Variants in NT5C1A observed in about 807,000 individuals in gnomAD.
NT5C1A encodes 5'-nucleotidase, cytosolic IA.
A neutral mutation model predicts 31.0 loss-of-function variants in NT5C1A; 18 were observed. That is an observed-to-expected ratio of 0.58 (90% CI 0.40 to 0.86). The LOEUF (loss-of-function observed/expected upper bound fraction) is 0.86, where lower values mean the gene tolerates loss of function less well. Among genes scored for constraint, NT5C1A ranks in the 40% least tolerant of loss-of-function variants. The pLI is 0.00. For synonymous variants in NT5C1A, 185 were observed against 203.6 expected (o/e 0.91, Z 0.78); for missense variants, 470 against 505.4 (o/e 0.93, Z 0.67).
chr1:39,656,009 T>C lies in NT5C1A; in HGVS notation c.*3112A>G, dbSNP rs193270601. 1.3e-5 allele frequency among the ~76,000 whole-genome samples: 2 copies of C among 152,292 alleles called. No individual in the cohort carries two copies. Among genetic ancestry groups the C allele is most frequent in the East Asian group, 3.9e-4 (2 of 5,186 alleles). On this transcript the variant is annotated 3_prime_UTR_variant, in exon 6 of 6. Transcript: ENST00000235628. ...TTCTGATATATCCCCACTACTCTGA[T>C]TGGGCTCTCAGATAGGAGAGGGGGA...
rs1351647757 is a variant in NT5C1A, at chr1:39,658,167, A to G, written c.*954T>C. 6.6e-6 allele frequency among the ~76,000 whole-genome samples: 1 copy of G among 152,166 alleles called. No homozygotes were observed. The highest frequency in any genetic ancestry group is 1.5e-5 in the Non-Finnish European group (1 of 68,016). Reference sequence around the variant, plus strand: ...GGCTCAAAGCAAGAGCAAAGGAAACACTGAGCAGGCAGCTACTAATGCTTC... The same window carrying G: ...GGCTCAAAGCAAGAGCAAAGGAAACGCTGAGCAGGCAGCTACTAATGCTTC... On this transcript the variant is annotated 3_prime_UTR_variant, in exon 6 of 6. Transcript: ENST00000235628.
chr1:39,651,523 C>A lies in NT5C1A; in HGVS notation c.*7598G>T, dbSNP rs1646431980. 6.6e-6 allele frequency among the ~76,000 whole-genome samples: 1 copy of A among 152,162 alleles called. No individual in the cohort carries two copies. The highest frequency in any genetic ancestry group is 1.5e-5 in the Non-Finnish European group (1 of 68,042). On this transcript the variant is annotated 3_prime_UTR_variant, in exon 6 of 6. Transcript: ENST00000235628. ...CACATGCTCTAACCATTTACGGAGG[C>A]ACTTAGGTTTATCATAACAAGCAAC...
Position 39,661,121 on chromosome 1 carries a change from G to C in NT5C1A, c.699C>G (p.Phe233Leu), listed in dbSNP as rs1557744877. The C allele has an allele frequency of 6.3e-7, 1 of 1,592,550 alleles. No homozygotes were observed. Among genetic ancestry groups the C allele is most frequent in the South Asian group, 1.1e-5 (1 of 90,164 alleles). ...TCTCGTGGGCCTTCTCATGCTCGAA[G>C]AATCGGTCCAGCCCGTGGGCCTTGA... ...RIVKAHGLDR[F>L]FEHEKAHENK... is the part of the protein sequence containing the mutation. The change falls in exon 5 of 6, where the codon TTC becomes TTG. Residue 233 changes from phenylalanine to leucine, a missense_variant. By Grantham distance (22) the Phe-to-Leu change is conservative. Coordinates refer to ENST00000235628, the MANE Select transcript of NT5C1A (RefSeq NM_032526.3).
intron 4 of NT5C1A, 149 bp downstream of exon 4, chr1:39,663,162 AT>A: frequency 1.2e-6 from 1 of 833,468 alleles, no homozygotes; most frequent in Non-Finnish European, 1.9e-6. Context: ...TATAGGACAG[AT>A]TATAAGAATT....
intron 1 of NT5C1A, among the ~76,000 whole-genome samples, chr1:39,669,426 G>A (rs1183187580): frequency 6.6e-6 from 1 of 152,234 alleles, no homozygotes; most frequent in Non-Finnish European, 1.5e-5. Context: ...CTGACCCCAT[G>A]AGGTGAGGGC....
Position 39,655,002 on chromosome 1 carries a change from C to T in NT5C1A, c.*4119G>A, listed in dbSNP as rs1444641053. On this transcript the variant is annotated 3_prime_UTR_variant, in exon 6 of 6. Transcript: ENST00000235628. ...CTGATGCCAGGCTGGAGTGCAGTGG[C>T]GTGATCTCGGTTCACTGCAACCTCC... 1.3e-5 allele frequency among the ~76,000 whole-genome samples: 2 copies of T among 151,892 alleles called. No individual in the cohort carries two copies. The highest frequency in any genetic ancestry group is 1.9e-4 in the East Asian group (1 of 5,178).
At chr1:39,663,508 T>G (rs1186371703) in intron 3 of NT5C1A, 74 bp from the exon 4 acceptor site, 7 of 1,490,624 alleles carry the variant, frequency 4.7e-6, no homozygotes, top group African/African-American at 1.4e-5. Context: ...CTGTGCCCAG[T>G]GCACACCATC....
At chr1:39,662,554 G>A (rs1165906878) in intron 4 of NT5C1A, among the ~76,000 whole-genome samples, 1 of 152,216 alleles carries the variant, frequency 6.6e-6, no homozygotes, top group Non-Finnish European at 1.5e-5. Context: ...TTATCAGGGG[G>A]AGAGGGGCCA....
At chr1:39,664,738 C>T (rs1367702485) in intron 3 of NT5C1A, among the ~76,000 whole-genome samples, 1 of 151,202 alleles carries the variant, frequency 6.6e-6, no homozygotes, top group Non-Finnish European at 1.5e-5. Context: ...TTCCACCCGC[C>T]CTGGCCTCCC....
chr1:39,659,211 C>A lies in NT5C1A; in HGVS notation c.1017G>T (p.Glu339Asp). The A allele has an allele frequency of 6.2e-7, 1 of 1,614,106 alleles. No individual in the cohort carries two copies. The highest frequency in any genetic ancestry group is 8.5e-7 in the Non-Finnish European group (1 of 1,180,040). ...DQMFHVAGAQ[E>D]MGTVAAHVPY... ...GCACATGGGCGGCCACAGTGCCCATCTCCTGAGCCCCAGCCACATGGAACA... is the reference window on the plus strand; with the variant it reads ...GCACATGGGCGGCCACAGTGCCCATATCCTGAGCCCCAGCCACATGGAACA... The change falls in exon 6 of 6, where the codon GAG becomes GAT. Residue 339 changes from glutamate (E) to aspartate (D), a missense_variant. Coordinates refer to ENST00000235628, the MANE Select transcript of NT5C1A (RefSeq NM_032526.3).
In NT5C1A at chr1:39,664,575, C is replaced by A. The variant is rs1438885934; in HGVS notation, c.433+946G>T. ...TGGGGTGATCTCGGCTCATTGCAACCTCTGCCTCCCGGGTTCAAGTGATTC... is the reference window on the plus strand; with the variant it reads ...TGGGGTGATCTCGGCTCATTGCAACATCTGCCTCCCGGGTTCAAGTGATTC... On this transcript the variant is annotated intron_variant, in intron 3 of 5. Coordinates refer to ENST00000235628, the MANE Select transcript of NT5C1A (RefSeq NM_032526.3). 2.4e-5 allele frequency among the ~76,000 whole-genome samples: 3 copies of A among 127,306 alleles called. No homozygotes were observed. In the Admixed American group the frequency reaches 2.5e-4, roughly 11 times the overall value. 83.5% of individuals were successfully genotyped at this position (127,306 alleles called of 152,430 possible).
chr1:39,659,263 C>T lies in NT5C1A; in HGVS notation c.965G>A (p.Arg322His), dbSNP rs190344471. 4.2e-4 allele frequency: 677 copies of T among 1,614,106 alleles called. No homozygotes were observed. Among genetic ancestry groups the T allele is most frequent in the Admixed American group, 8.3e-4 (50 of 60,032 alleles). ...CTGGTCATCAAAGAAGATGTGTGGG[C>T]GGATCTTCTCAAGGAGAGGGCCCTT... is the stretch of plus-strand genomic sequence containing the variant. The part of the protein sequence containing the change: ...APKGPLLEKI[R>H]PHIFFDDQMF... The change falls in exon 6 of 6, where the codon CGC becomes CAC. Residue 322 changes from arginine to histidine, a missense_variant. Transcript: ENST00000235628.
At position 39,655,158 on chromosome 1, in the gene NT5C1A, T is replaced by C. The variant is rs1253424293; in HGVS notation, c.*3963A>G. Among the ~76,000 whole-genome samples, 1 of 152,164 alleles carries C rather than the reference T, an allele frequency of 6.6e-6. No homozygotes were observed. Among genetic ancestry groups the C allele is most frequent in the East Asian group, 1.9e-4 (1 of 5,178 alleles). ...GGTTTCATCATGTTGGGCAGGATGG[T>C]CTCGATCTCCTGACCTTGTGATCCA... On this transcript the variant is annotated 3_prime_UTR_variant, in exon 6 of 6. Transcript: ENST00000235628.
In NT5C1A at chr1:39,652,309, T is replaced by C. The variant is rs1646437006; in HGVS notation, c.*6812A>G. Among the ~76,000 whole-genome samples the C allele has an allele frequency of 6.6e-6, 1 of 152,188 alleles. No homozygotes were observed. The highest frequency in any genetic ancestry group is 2.4e-5 in the African/African-American group (1 of 41,450). On this transcript the variant is annotated 3_prime_UTR_variant, in exon 6 of 6. Transcript: ENST00000235628. ...ATGGTGTTTTCTAAATTCAAAATAG[T>C]TGCCAACATTTAAAAGTCCAGATTC...
At position 39,663,463 on chromosome 1, in the gene NT5C1A, G is replaced by A. The variant is rs1280964997; in HGVS notation, c.434-29C>T. 5.0e-6 allele frequency: 8 copies of A among 1,613,066 alleles called. No homozygotes were observed. In the Middle Eastern group the frequency reaches 5.1e-4, roughly 102 times the overall value. On this transcript the variant is annotated intron_variant, in intron 3 of 5. Coordinates refer to ENST00000235628, the MANE Select transcript of NT5C1A (RefSeq NM_032526.3). ...GGAAGGAGGTAAAGGACCCAGGTGA[G>A]GCCAGGGTCAACCCTGGGCTTCAGG...
At position 39,659,563 on chromosome 1, in the gene NT5C1A, G is replaced by A; in HGVS notation, c.742-77C>T. On this transcript the variant is annotated intron_variant, in intron 5 of 5. Coordinates refer to ENST00000235628, the MANE Select transcript of NT5C1A (RefSeq NM_032526.3). ...GCCCCCTGCTCTCCCTAAAGCACTA[G>A]TGTCTTGTTTGGTGTGGAAAACTTC... is the stretch of plus-strand genomic sequence containing the variant. The A allele has an allele frequency of 4.0e-6, 6 of 1,495,368 alleles. No homozygotes were observed. In the African/African-American group the frequency reaches 5.6e-5, roughly 14 times the overall value. The allele number at this position is 1,495,368 out of a possible 1,614,324, so 92.6% of individuals were successfully genotyped here.
Position 39,653,635 on chromosome 1 carries a change from G to A in NT5C1A, c.*5486C>T, listed in dbSNP as rs1415426096. 6.6e-6 allele frequency among the ~76,000 whole-genome samples: 1 copy of A among 152,212 alleles called. No homozygotes were observed. The highest frequency in any genetic ancestry group is 1.5e-5 in the Non-Finnish European group (1 of 68,046). On this transcript the variant is annotated 3_prime_UTR_variant, in exon 6 of 6. Coordinates refer to ENST00000235628, the MANE Select transcript of NT5C1A (RefSeq NM_032526.3). Reference sequence around the variant, plus strand: ...GAGAGTCCAGCGCAGCACTAAGTCAGTGGGAGAGAAAAGTAAATCAGTGGG... The same window carrying A: ...GAGAGTCCAGCGCAGCACTAAGTCAATGGGAGAGAAAAGTAAATCAGTGGG...
intron 1 of NT5C1A, among the ~76,000 whole-genome samples, chr1:39,668,890 G>A (rs1342309384): frequency 6.6e-6 from 1 of 152,228 alleles, no homozygotes; most frequent in Non-Finnish European, 1.5e-5. Context: ...CCATGGCTGT[G>A]TAAGAAATAT....
At chr1:39,666,298 G>A (rs1393136569) in intron 1 of NT5C1A, 62 bp from the exon 2 acceptor site, 7 of 1,519,902 alleles carry the variant, frequency 4.6e-6, no homozygotes, top group Middle Eastern at 1.8e-4. Context: ...AGGCTCACAT[G>A]TGTGAGTCTC....
Sources: allele counts gnomAD v4.1 joint callset (sites outside exome capture counted in the v4.1 genomes callset), GRCh38; gene constraint gnomAD v4.1.1; transcripts MANE v1.5; gene names NCBI Gene and HGNC (gene_info 2026-07-23, HGNC 2026-07-21).